CADM2: variants seen among roughly 807,000 people sequenced by gnomAD.
The protein encoded by CADM2 is immunoglobulin superfamily member 4D.
In CADM2, 12 loss-of-function variants were observed where a neutral mutation model predicts 49.8. The ratio of observed to expected loss-of-function variants is 0.24; its 90% CI spans 0.15 to 0.39. CADM2 has a LOEUF of 0.39. Ranked by LOEUF, CADM2 falls within the 10% of genes least tolerant of loss-of-function variation. The pLI, the probability that CADM2 is intolerant of heterozygous loss-of-function variation, is 1.00. For missense variants in CADM2, 378 were observed against 492.3 expected (o/e 0.77, Z 2.20); for synonymous variants, 214 against 175.4 (o/e 1.22, Z -1.74).
At chr3:85,328,285 A>G (rs2044811742) in intron 1 of CADM2, among the ~76,000 whole-genome samples, 1 of 152,220 alleles carries the variant, frequency 6.6e-6, no homozygotes, top group East Asian at 1.9e-4. Context: ...AACAATAAAT[A>G]GGCTTATGAC....
At chr3:85,315,881 A>T (rs72921365) in intron 1 of CADM2, among the ~76,000 whole-genome samples, 14,355 of 152,164 alleles carry the variant, frequency 0.094, 1,397 homozygotes, top group African/African-American at 0.25. Flanking sequence ...TAGTGAAGAT[A>T]ATTATATATA....
At chr3:85,793,752 C>T (rs1016646172) in intron 2 of CADM2, among the ~76,000 whole-genome samples, 1 of 152,170 alleles carries the variant, frequency 6.6e-6, no homozygotes, top group African/African-American at 2.4e-5. Context: ...GGTCTAAATG[C>T]ATCTTTGACA....
chr3:86,016,269 A>G (rs1394546925), intron 8 of CADM2, among the ~76,000 whole-genome samples: 1 of 152,108 alleles, frequency 6.6e-6, no homozygotes, highest in Non-Finnish European at 1.5e-5. Flanking sequence ...ACTACTTGGG[A>G]ATGTATGCAA....
chr3:85,472,817 T>A lies in CADM2; in HGVS notation c.62-253705T>A, dbSNP rs912998255. ...TGTCTCTAATCGATGGAAAATGAAATCTTAAAGACATTAAGTAATTGACAA... is the reference window on the plus strand; with the variant it reads ...TGTCTCTAATCGATGGAAAATGAAAACTTAAAGACATTAAGTAATTGACAA... On this transcript the variant is annotated intron_variant, in intron 1 of 9. Coordinates refer to ENST00000383699, the MANE Select transcript of CADM2 (RefSeq NM_001167675.2). 1.3e-5 allele frequency among the ~76,000 whole-genome samples: 2 copies of A among 151,960 alleles called. 1 individual carries two copies. The highest frequency in any genetic ancestry group is 3.9e-4 in the East Asian group (2 of 5,180).
chr3:85,040,941 G>A lies in CADM2; in HGVS notation c.61+81273G>A, dbSNP rs563912918. On this transcript the variant is annotated intron_variant, in intron 1 of 9. Transcript: ENST00000383699. ...AAGTCAAACTCATCGCACAATATCA[G>A]ATTTAAATACAGTATCATATTTTAA... 2.0e-5 allele frequency among the ~76,000 whole-genome samples: 3 copies of A among 152,162 alleles called. No homozygotes were observed. In the South Asian group the frequency reaches 6.2e-4, roughly 32 times the overall value.
At chr3:85,909,471 A>G (rs899769762) in intron 5 of CADM2, among the ~76,000 whole-genome samples, 7 of 151,748 alleles carry the variant, frequency 4.6e-5, no homozygotes, top group Non-Finnish European at 7.4e-5. Flanking sequence ...AACAAGAGAG[A>G]GAAAAAGAGA....
At chr3:85,319,842 T>C (rs904869572) in intron 1 of CADM2, among the ~76,000 whole-genome samples, 2 of 152,158 alleles carry the variant, frequency 1.3e-5, no homozygotes, top group African/African-American at 4.8e-5. Context: ...AGTATCTGCA[T>C]CAGGAAATAA....
chr3:85,704,530 G>A (rs1457057536), intron 1 of CADM2, among the ~76,000 whole-genome samples: 1 of 152,060 alleles, frequency 6.6e-6, no homozygotes, highest in Non-Finnish European at 1.5e-5. Context: ...GCACAGAGAA[G>A]ACATAGAGAA....
At chr3:85,136,556 A>G (rs987070603) in intron 1 of CADM2, among the ~76,000 whole-genome samples, 5 of 152,012 alleles carry the variant, frequency 3.3e-5, no homozygotes, top group Admixed American at 6.6e-5. Context: ...TACATAATTT[A>G]TCTATTTTCT....
intron 1 of CADM2, among the ~76,000 whole-genome samples, chr3:85,107,014 G>A (rs990209734): frequency 6.6e-6 from 1 of 152,052 alleles, no homozygotes; most frequent in Non-Finnish European, 1.5e-5. Flanking sequence ...AGAAAAAGTG[G>A]GACAGGGAGA....
At chr3:85,448,980 G>C (rs1013821507) in intron 1 of CADM2, among the ~76,000 whole-genome samples, 2 of 150,924 alleles carry the variant, frequency 1.3e-5, no homozygotes, top group African/African-American at 4.9e-5. Context: ...AACCCGGGAG[G>C]CGGAAGTTGC....
intron 1 of CADM2, among the ~76,000 whole-genome samples, chr3:85,096,034 G>A (rs539955032): frequency 4.6e-5 from 7 of 152,192 alleles, no homozygotes; most frequent in Admixed American, 3.3e-4. Flanking sequence ...AAAAATTCTA[G>A]AGGGGAGAAG....
At chr3:85,072,623 A>G (rs748647846) in intron 1 of CADM2, among the ~76,000 whole-genome samples, 2 of 152,114 alleles carry the variant, frequency 1.3e-5, no homozygotes, top group Admixed American at 6.5e-5. Context: ...TCCCATTAAC[A>G]CTAATAGTGG....
At chr3:86,062,534 T>G (rs1218907085) in intron 8 of CADM2, among the ~76,000 whole-genome samples, 2 of 152,036 alleles carry the variant, frequency 1.3e-5, no homozygotes, top group African/African-American at 2.4e-5. Flanking sequence ...TCCCAGCACT[T>G]TGGGAGGCCT....
intron 1 of CADM2, among the ~76,000 whole-genome samples, chr3:85,202,676 GC>G (rs1374415695): frequency 6.6e-6 from 1 of 152,132 alleles, no homozygotes; most frequent in East Asian, 1.9e-4. Context: ...AAAGTCACCA[GC>G]TACATTAGTT....
At chr3:85,688,000 G>A (rs759554329) in intron 1 of CADM2, among the ~76,000 whole-genome samples, 19 of 152,166 alleles carry the variant, frequency 1.2e-4, no homozygotes, top group Non-Finnish European at 2.5e-4. Context: ...CACTCCTTAT[G>A]AGAATCCAAT....
At chr3:85,684,101 G>A (rs1478968203) in intron 1 of CADM2, among the ~76,000 whole-genome samples, 1 of 152,146 alleles carries the variant, frequency 6.6e-6, no homozygotes, top group Non-Finnish European at 1.5e-5. Context: ...GAAAACAAAT[G>A]AAGCTCACAT....
chr3:85,791,790 C>T (rs1465204539), intron 2 of CADM2, among the ~76,000 whole-genome samples: 2 of 152,130 alleles, frequency 1.3e-5, no homozygotes, highest in Admixed American at 6.6e-5. Flanking sequence ...GTGGCACGAA[C>T]TTGGCTCACT....
chr3:85,392,676 A>T (rs1335871916), intron 1 of CADM2, among the ~76,000 whole-genome samples: 1 of 152,128 alleles, frequency 6.6e-6, no homozygotes, highest in Non-Finnish European at 1.5e-5. Context: ...TACAGTATAA[A>T]AAGTAAAGTT....
Sources: gnomAD v4.1 joint callset for allele counts (sites outside exome capture counted in the v4.1 genomes callset) on GRCh38, gnomAD v4.1.1 for gene constraint, MANE v1.5 for transcripts, NCBI Gene and HGNC (gene_info 2026-07-23, HGNC 2026-07-21) for gene names.